PCDHA2: variants seen among roughly 807,000 people sequenced by gnomAD.
The protein encoded by PCDHA2 is protocadherin alpha 2, also known as protocadherin alpha-2.
Under a neutral mutation model 66.0 loss-of-function variants are expected in PCDHA2, and 58 were observed. The ratio of observed to expected loss-of-function variants is 0.88; its 90% CI spans 0.71 to 1.09. The LOEUF is 1.09. PCDHA2 is among the 50% of genes least tolerant of loss of function. The pLI is 0.00. For missense variants in PCDHA2, 1,267 were observed against 1,242.3 expected (o/e 1.02, Z -0.30); for synonymous variants, 634 against 554.0 (o/e 1.14, Z -2.03).
intron 1 of PCDHA2, chr5:140,834,285 A>G: frequency 8.5e-7 from 1 of 1,171,912 alleles, no homozygotes; most frequent in South Asian, 1.5e-5. Context: ...TGGATGCACA[A>G]CAATGGCCAC....
At chr5:140,850,951 T>C in intron 1 of PCDHA2, 1 of 1,500,264 alleles carries the variant, frequency 6.7e-7, no homozygotes. Flanking sequence ...TATTATCGAT[T>C]ACTCCCAGGG....
Position 140,842,921 on chromosome 5 carries a change from C to T in PCDHA2, c.2388+45569C>T. 5 of 1,594,348 alleles carry T rather than the reference C, an allele frequency of 3.1e-6. 1 individual carries two copies. Among genetic ancestry groups the T allele is most frequent in the Non-Finnish European group, 4.3e-6 (5 of 1,165,382 alleles). On this transcript the variant is annotated intron_variant, in intron 1 of 3. Transcript: ENST00000526136. The stretch of plus-strand genomic sequence containing the variant: ...CGAGGAGCTAGAGCTGCTGCAGTTC[C>T]AGGTGAGCGCGCGCGACGCGGGCGT...
intron 1 of PCDHA2, among the ~76,000 whole-genome samples, chr5:140,919,626 T>C (rs1554199177): frequency 6.6e-6 from 1 of 152,244 alleles, no homozygotes. Flanking sequence ...TTTTGAGTTA[T>C]TTTCACAGTA....
intron 1 of PCDHA2, among the ~76,000 whole-genome samples, chr5:140,962,176 C>T (rs1554225858): frequency 6.6e-6 from 1 of 152,104 alleles, no homozygotes; most frequent in Admixed American, 6.6e-5. Flanking sequence ...CACCCGGCCA[C>T]TTATATCACT....
chr5:140,925,106 G>GAA (rs1554202543), intron 1 of PCDHA2, among the ~76,000 whole-genome samples: 1 of 151,098 alleles, frequency 6.6e-6, no homozygotes, highest in African/African-American at 2.4e-5. Flanking sequence ...AGGAAGGAAG[G>GAA]AGGGAAGGAA....
At chr5:140,870,570 G>A in intron 1 of PCDHA2, 1 of 1,613,972 alleles carries the variant, frequency 6.2e-7, no homozygotes, top group Non-Finnish European at 8.5e-7. Flanking sequence ...ACGCGCTGGT[G>A]TCCTACTCGC....
At chr5:140,921,500 A>G (rs2080246724) in intron 1 of PCDHA2, among the ~76,000 whole-genome samples, 1 of 152,210 alleles carries the variant, frequency 6.6e-6, no homozygotes, top group Admixed American at 6.5e-5. Context: ...AGTTTATTAG[A>G]TAGTGCCTAA....
chr5:140,964,880 C>T (rs2095860447), intron 1 of PCDHA2, among the ~76,000 whole-genome samples: 1 of 152,168 alleles, frequency 6.6e-6, no homozygotes, highest in Admixed American at 6.5e-5. Context: ...TAAGAAGCAG[C>T]AGTGATAGGA....
At chr5:140,915,861 G>A (rs2077339820) in intron 1 of PCDHA2, among the ~76,000 whole-genome samples, 1 of 152,182 alleles carries the variant, frequency 6.6e-6, no homozygotes, top group African/African-American at 2.4e-5. Flanking sequence ...AGCCAAGTTT[G>A]CATCCTTCCC....
At chr5:140,850,986 T>A in intron 1 of PCDHA2, 1 of 1,450,124 alleles carries the variant, frequency 6.9e-7, no homozygotes, top group Non-Finnish European at 9.1e-7. Flanking sequence ...TTTATTCATT[T>A]TTCTAGAAAT....
chr5:140,837,615 C>T (rs1253493684), intron 1 of PCDHA2, among the ~76,000 whole-genome samples: 3 of 145,806 alleles, frequency 2.1e-5, no homozygotes, highest in Non-Finnish European at 4.5e-5. Flanking sequence ...TATAATTTGC[C>T]CCTTCCTTCC....
intron 1 of PCDHA2, chr5:140,863,226 C>CCGA: frequency 1.7e-6 from 2 of 1,160,306 alleles, no homozygotes; most frequent in Non-Finnish European, 2.5e-6. Context: ...CGAGGAAGGT[C>CCGA]CCATCGCGGG....
intron 1 of PCDHA2, among the ~76,000 whole-genome samples, chr5:140,930,805 A>T (rs2087129378): frequency 6.6e-6 from 1 of 152,218 alleles, no homozygotes; most frequent in Non-Finnish European, 1.5e-5. Flanking sequence ...CCAGCATATA[A>T]GATATGCTTA....
Position 140,796,442 on chromosome 5 carries a change from C to G in PCDHA2, c.1478C>G (p.Ser493Trp). 1 of 1,613,408 alleles carries G rather than the reference C, an allele frequency of 6.2e-7. No homozygotes were observed. The highest frequency in any genetic ancestry group is 8.5e-7 in the Non-Finnish European group (1 of 1,179,930). Residue 493 changes from serine (S) to tryptophan (W), a missense_variant, in exon 1 of 4, where the codon TCG becomes TGG. By Grantham distance (177) the Ser-to-Trp change is radical. Transcript: ENST00000526136. The part of the protein sequence containing the change: ...DAQENALVSY[S>W]LVERRVGERA... ...CAGGAGAACGCGCTGGTGTCCTACTCGCTGGTGGAGCGGCGGGTGGGCGAG... is the reference window on the plus strand; with the variant it reads ...CAGGAGAACGCGCTGGTGTCCTACTGGCTGGTGGAGCGGCGGGTGGGCGAG...
At chr5:141,008,238 G>A (rs2098366224) in intron 3 of PCDHA2, among the ~76,000 whole-genome samples, 1 of 152,046 alleles carries the variant, frequency 6.6e-6, no homozygotes, top group Admixed American at 6.6e-5. Context: ...TACTGCTCAG[G>A]GACACCAAAT....
chr5:140,798,184 T>C (rs891955747), intron 1 of PCDHA2, among the ~76,000 whole-genome samples: 107 of 152,296 alleles, frequency 7.0e-4, no homozygotes, highest in African/African-American at 2.1e-3. Flanking sequence ...TTTATTTGTA[T>C]TTGAAAGCAG....
At chr5:140,985,648 C>G (rs185772569) in intron 3 of PCDHA2, among the ~76,000 whole-genome samples, 17 of 152,092 alleles carry the variant, frequency 1.1e-4, no homozygotes, top group African/African-American at 4.1e-4. Flanking sequence ...CCAACACTTG[C>G]AATGGCTGAA....
At chr5:140,870,201 G>A in intron 1 of PCDHA2, 2 of 1,614,140 alleles carry the variant, frequency 1.2e-6, no homozygotes, top group Non-Finnish European at 8.5e-7. Context: ...AGCCCAGCAC[G>A]GTCATTGCCC....
rs782726612 is a variant in PCDHA2 at position 140,795,424 on chromosome 5, C to G, written c.460C>G (p.Leu154Val). ...AAGGCTGCTTGATTCTCGGTTTCCT[C>G]TAGAGGGAGCATCTGATGCAGATAT... ...ESRLLDSRFPLEGASDADIGV... is the reference protein window; with the variant it reads ...ESRLLDSRFPVEGASDADIGV... Residue 154 changes from leucine (L) to valine (V), a missense_variant, in exon 1 of 4, where the codon CTA becomes GTA. Coordinates refer to ENST00000526136, the MANE Select transcript of PCDHA2 (RefSeq NM_018905.3). The G allele has an allele frequency of 1.9e-6, 3 of 1,614,072 alleles. No individual in the cohort carries two copies. The highest frequency in any genetic ancestry group is 1.3e-5 in the African/African-American group (1 of 74,920).
Sources: allele counts gnomAD v4.1 joint callset (sites outside exome capture counted in the v4.1 genomes callset), GRCh38; gene constraint gnomAD v4.1.1; transcripts MANE v1.5; gene names NCBI Gene and HGNC (gene_info 2026-07-23, HGNC 2026-07-21).